RSF1: variants seen among roughly 807,000 people sequenced by gnomAD.
RSF1 encodes HBV pX-associated protein 8.
RSF1 carries 13 observed loss-of-function variants against 145.2 expected under a neutral mutation model. The ratio of observed to expected loss-of-function variants is 0.09; its 90% confidence interval spans 0.06 to 0.14. The LOEUF is 0.14. RSF1 is among the 10% of genes least tolerant of loss of function. The pLI is 1.00. For synonymous variants in RSF1, 577 were observed against 592.6 expected, an observed-to-expected ratio of 0.97 and a Z score of 0.38; for missense variants, 1,517 against 1,718.2, an observed-to-expected ratio of 0.88 and a Z score of 2.07.
chr11:77,824,383 A>G (rs1949074206), upstream of RSF1, among the ~76,000 whole-genome samples: 1 of 152,230 alleles, frequency 6.6e-6, no homozygotes, highest in African/African-American at 2.4e-5. Context: ...AACTTTGTTT[A>G]TGAATAAGAA....
At chr11:77,670,223 T>G (rs1959485118) in intron 15 of RSF1, among the ~76,000 whole-genome samples, 1 of 152,212 alleles carries the variant, frequency 6.6e-6, no homozygotes. Flanking sequence ...TATGTCTGCC[T>G]TCACTCATTC....
At chr11:77,750,309 CAT>C (rs1390958888) in intron 2 of RSF1, among the ~76,000 whole-genome samples, 7 of 152,138 alleles carry the variant, frequency 4.6e-5, no homozygotes, top group Non-Finnish European at 8.8e-5. Context: ...CACTATAGGC[CAT>C]AGAGTCTCTC....
chr11:77,832,947 ATATATGTG>A, the RSF1 span, among the ~76,000 whole-genome samples: 66 of 83,740 alleles, frequency 7.9e-4, 1 homozygote, highest in South Asian at 2.1e-3. Flanking sequence ...TATTGTATAT[ATATATGTG>A]TGTGTGTGTG....
At chr11:77,791,504 TG>T (rs1340530999) in intron 1 of RSF1, among the ~76,000 whole-genome samples, 1 of 152,164 alleles carries the variant, frequency 6.6e-6, no homozygotes, top group East Asian at 1.9e-4. Flanking sequence ...CCTTAGAAAA[TG>T]GGTTTTTCTT....
chr11:77,774,417 C>T (rs1948319163), intron 1 of RSF1, among the ~76,000 whole-genome samples: 3 of 149,588 alleles, frequency 2.0e-5, no homozygotes, highest in Non-Finnish European at 4.4e-5. Context: ...CTAAAAAATA[C>T]AAAAATTAGC....
At chr11:77,742,548 G>A (rs2135912805) in intron 3 of RSF1, among the ~76,000 whole-genome samples, 1 of 152,144 alleles carries the variant, frequency 6.6e-6, no homozygotes, top group East Asian at 1.9e-4. Context: ...AAAGTGCTGG[G>A]ATTACAGGCA....
intron 11 of RSF1, among the ~76,000 whole-genome samples, chr11:77,682,828 G>C (rs1191132909): frequency 6.6e-6 from 1 of 152,232 alleles, no homozygotes; most frequent in East Asian, 1.9e-4. Flanking sequence ...ATTTGATCTA[G>C]AGGAGGTTAA....
chr11:77,752,286 G>GTCCA (rs1486254315), intron 2 of RSF1, among the ~76,000 whole-genome samples: 1 of 152,188 alleles, frequency 6.6e-6, no homozygotes, highest in Non-Finnish European at 1.5e-5. Flanking sequence ...GGCCAGGCAT[G>GTCCA]TCCACCATGG....
chr11:77,730,013 A>G (rs539091955), intron 4 of RSF1, among the ~76,000 whole-genome samples: 1 of 151,730 alleles, frequency 6.6e-6, no homozygotes, highest in African/African-American at 2.4e-5. Context: ...GTGAATGAGC[A>G]CTATGTTCCA....
the RSF1 span, among the ~76,000 whole-genome samples, chr11:77,848,381 C>T: frequency 1.3e-5 from 2 of 151,338 alleles, no homozygotes; most frequent in Non-Finnish European, 2.9e-5. Flanking sequence ...TTTTTTGAGA[C>T]GGAGTCTTGC....
intron 1 of RSF1, among the ~76,000 whole-genome samples, chr11:77,810,234 T>C (rs1291387001): frequency 6.6e-6 from 1 of 152,230 alleles, no homozygotes; most frequent in African/African-American, 2.4e-5. Context: ...GATAAGACTT[T>C]GAGGCCAGTA....
At chr11:77,797,370 CAT>C (rs778350360) in intron 1 of RSF1, among the ~76,000 whole-genome samples, 49 of 152,132 alleles carry the variant, frequency 3.2e-4, no homozygotes, top group Non-Finnish European at 6.6e-4. Flanking sequence ...CATCTACAAC[CAT>C]ATGATTTTTG....
intron 2 of RSF1, among the ~76,000 whole-genome samples, chr11:77,755,667 C>T (rs554107899): frequency 5.9e-5 from 9 of 151,962 alleles, no homozygotes; most frequent in Non-Finnish European, 1.0e-4. Context: ...GCAACCTCTG[C>T]CCCCCAGGTT....
intron 5 of RSF1, among the ~76,000 whole-genome samples, chr11:77,711,108 T>TA (rs1170598741): frequency 1.5e-5 from 2 of 135,548 alleles, no homozygotes; most frequent in African/African-American, 5.7e-5. Flanking sequence ...AACACACACA[T>TA]AGACACCCCC....
chr11:77,864,303 G>A, the RSF1 span, among the ~76,000 whole-genome samples: 1 of 151,900 alleles, frequency 6.6e-6, no homozygotes, highest in East Asian at 2.0e-4. Flanking sequence ...AATTAGCCAG[G>A]CATGGTGGCA....
chr11:77,855,499 T>C, the RSF1 span: 2 of 192,240 alleles, frequency 1.0e-5, no homozygotes, highest in Admixed American at 6.0e-5. Context: ...TTTTCTTTTT[T>C]TTTGTATTTT....
the RSF1 span, among the ~76,000 whole-genome samples, chr11:77,840,657 C>A: frequency 6.6e-6 from 1 of 152,216 alleles, no homozygotes; most frequent in Non-Finnish European, 1.5e-5. Context: ...GAAATTCCCA[C>A]CTTGGCCTCC....
the RSF1 span, among the ~76,000 whole-genome samples, chr11:77,862,101 T>C: frequency 6.6e-6 from 1 of 152,196 alleles, no homozygotes; most frequent in Non-Finnish European, 1.5e-5. Context: ...TTAGTCCTTC[T>C]AGCACGCAAG....
At chr11:77,829,364 C>T in the RSF1 span, among the ~76,000 whole-genome samples, 408 of 152,178 alleles carry the variant, frequency 2.7e-3, 4 homozygotes, top group African/African-American at 9.4e-3. Flanking sequence ...GTTTAAGTTA[C>T]CAATTTATGG....
Sources: gnomAD v4.1 joint callset for allele counts (sites outside exome capture counted in the v4.1 genomes callset) on GRCh38, gnomAD v4.1.1 for gene constraint, MANE v1.5 for transcripts, NCBI Gene and HGNC (gene_info 2026-07-23, HGNC 2026-07-21) for gene names.